LZTFL1: variants seen among roughly 807,000 people sequenced by gnomAD.
LZTFL1 encodes the protein leucine zipper transcription factor like 1.
Under a neutral mutation model 45.9 loss-of-function variants are expected in LZTFL1, and 25 were observed. The ratio of observed to expected loss-of-function variants is 0.54; its 90% confidence interval spans 0.40 to 0.76. The LOEUF is 0.76. LZTFL1 is among the 30% of genes least tolerant of loss of function. LZTFL1 has a pLI of 0.00. For missense variants in LZTFL1, 277 were observed against 331.1 expected (o/e 0.84, Z 1.27); for synonymous variants, 93 against 117.4 (o/e 0.79, Z 1.35).
chr3:45,907,627 G>A (rs1477688414), intron 2 of LZTFL1, among the ~76,000 whole-genome samples: 2 of 152,180 alleles, frequency 1.3e-5, no homozygotes, highest in African/African-American at 2.4e-5. Context: ...GATGTGGCTC[G>A]CTGCGTGGGC....
At chr3:45,834,460 G>A (rs1038313558) in intron 3 of LZTFL1, 162 bp from the exon 4 acceptor site, 2 of 514,424 alleles carry the variant, frequency 3.9e-6, no homozygotes, top group Non-Finnish European at 7.0e-6. Context: ...AAATGGTTGA[G>A]AACCTAAACC....
intron 1 of LZTFL1, among the ~76,000 whole-genome samples, chr3:45,840,807 TTAAGA>T (rs1701088546): frequency 6.6e-6 from 1 of 152,172 alleles, no homozygotes; most frequent in Non-Finnish European, 1.5e-5. Flanking sequence ...CATATACAAT[TTAAGA>T]TAAGTACAAG....
intron 2 of LZTFL1, among the ~76,000 whole-genome samples, chr3:45,837,497 T>G (rs1169995235): frequency 6.6e-6 from 1 of 152,244 alleles, no homozygotes; most frequent in Non-Finnish European, 1.5e-5. Flanking sequence ...CTAGTCAGCA[T>G]TATGATTTCC....
upstream of LZTFL1, among the ~76,000 whole-genome samples, chr3:45,844,483 G>A (rs558587443): frequency 6.0e-4 from 91 of 152,206 alleles, no homozygotes; most frequent in African/African-American, 2.2e-3. Context: ...CACAGAAAAT[G>A]TAAAAATCTG....
At chr3:45,879,928 T>C (rs1701821676) in intron 2 of LZTFL1, among the ~76,000 whole-genome samples, 1 of 152,178 alleles carries the variant, frequency 6.6e-6, no homozygotes, top group Non-Finnish European at 1.5e-5. Flanking sequence ...TGGTCATCAC[T>C]AGAAATGTTC....
chr3:45,882,679 G>A (rs188392363), intron 2 of LZTFL1, among the ~76,000 whole-genome samples: 1 of 152,202 alleles, frequency 6.6e-6, no homozygotes, highest in East Asian at 1.9e-4. Flanking sequence ...AAGTCAGCTT[G>A]GGTCTTTTCT....
chr3:45,840,059 C>A (rs1024708894), intron 1 of LZTFL1, among the ~76,000 whole-genome samples: 3 of 152,158 alleles, frequency 2.0e-5, no homozygotes, highest in African/African-American at 7.2e-5. Flanking sequence ...GGGCATGAAC[C>A]ATTTCTTATA....
intron 2 of LZTFL1, among the ~76,000 whole-genome samples, chr3:45,863,024 T>A (rs1701516151): frequency 6.6e-6 from 1 of 152,250 alleles, no homozygotes; most frequent in Non-Finnish European, 1.5e-5. Flanking sequence ...GTGAGAATAG[T>A]ATTATGAGAC....
upstream of LZTFL1, among the ~76,000 whole-genome samples, chr3:45,843,868 C>T (rs1488369): frequency 0.55 from 84,234 of 151,888 alleles, 23,670 homozygotes; most frequent in East Asian, 0.7. Context: ...GGGTTGGTCA[C>T]CAAAGCAAAC....
chr3:45,892,310 TA>T (rs1240075938), intron 2 of LZTFL1, among the ~76,000 whole-genome samples: 1 of 152,132 alleles, frequency 6.6e-6, no homozygotes, highest in East Asian at 1.9e-4. Context: ...GGAATCAACC[TA>T]AATGTTCATC....
rs370160130 is a variant in LZTFL1, at chr3:45,870,127, G to A, written c.-214-11111C>T. 2.8e-4 allele frequency among the ~76,000 whole-genome samples: 42 copies of A among 152,178 alleles called. 4 individuals are homozygous for A. Among genetic ancestry groups the A allele is most frequent in the Admixed American group, 2.1e-3 (32 of 15,276 alleles). On this transcript the variant is annotated intron_variant, in intron 2 of 4. Coordinates refer to the LZTFL1 transcript ENST00000472635. ...GCAACCCACTTTCTCTCCAGTGCCCGCTCTCAAGCTCAGCCTGGCAGGAGG... is the reference window on the plus strand; with the variant it reads ...GCAACCCACTTTCTCTCCAGTGCCCACTCTCAAGCTCAGCCTGGCAGGAGG...
At chr3:45,841,827 C>A in intron 1 of LZTFL1, 162 bp downstream of exon 1, 1 of 928,064 alleles carries the variant, frequency 1.1e-6, no homozygotes, top group Admixed American at 2.3e-5. Context: ...TGCGGTTAAC[C>A]GAATCTCTCG....
intron 4 of LZTFL1, among the ~76,000 whole-genome samples, chr3:45,847,621 T>A (rs138487902): frequency 6.6e-6 from 1 of 152,242 alleles, no homozygotes; most frequent in Admixed American, 6.5e-5. Context: ...GACAAAAGCA[T>A]TGATGGAACT....
intron 3 of LZTFL1, among the ~76,000 whole-genome samples, chr3:45,858,526 A>G (rs1701430210): frequency 6.6e-6 from 1 of 152,204 alleles, no homozygotes; most frequent in Non-Finnish European, 1.5e-5. Flanking sequence ...ATTTTTTATC[A>G]TTTGTTAAAG....
At position 45,826,910 on chromosome 3, in the gene LZTFL1, A is replaced by G. The variant is rs532462066; in HGVS notation, c.881+446T>C. On this transcript the variant is annotated intron_variant, in intron 9 of 9. Coordinates refer to ENST00000296135, the MANE Select transcript of LZTFL1 (RefSeq NM_020347.4). ...TAAGAGAGATACTAATCCTATGTAG[A>G]ACACGGACTTCTAAGCCAAGCTGGC... is the stretch of plus-strand genomic sequence containing the variant. 3.3e-4 allele frequency among the ~76,000 whole-genome samples: 51 copies of G among 152,362 alleles called. 1 individual carries two copies. The highest frequency in any genetic ancestry group is 2.9e-4 in the Non-Finnish European group (20 of 68,038).
At chr3:45,841,792 A>G (rs1701123772) in intron 1 of LZTFL1, 197 bp downstream of exon 1, 1 of 658,294 alleles carries the variant, frequency 1.5e-6, no homozygotes, top group East Asian at 2.7e-5. Context: ...GGCTTCACCC[A>G]GGATTACCCC....
intron 1 of LZTFL1, among the ~76,000 whole-genome samples, chr3:45,914,061 T>C (rs777216767): frequency 2.0e-5 from 3 of 152,220 alleles, no homozygotes; most frequent in Non-Finnish European, 4.4e-5. Flanking sequence ...CTTGGGCTAA[T>C]GGATTTGAGG....
At chr3:45,876,541 T>C (rs1275477916) in intron 2 of LZTFL1, among the ~76,000 whole-genome samples, 1 of 150,942 alleles carries the variant, frequency 6.6e-6, no homozygotes, top group Non-Finnish European at 1.5e-5. Context: ...GAGGTAATCA[T>C]GATACCCTGA....
intron 7 of LZTFL1, 61 bp from the exon 8 acceptor site, chr3:45,828,676 G>C (rs969045169): frequency 7.3e-7 from 1 of 1,371,812 alleles, no homozygotes; most frequent in Non-Finnish European, 1.0e-6. Flanking sequence ...AACTGTTTTA[G>C]AATGGTGATT....
Sources: allele counts gnomAD v4.1 joint callset (sites outside exome capture counted in the v4.1 genomes callset), GRCh38; gene constraint gnomAD v4.1.1; transcripts MANE v1.5; gene names NCBI Gene and HGNC (gene_info 2026-07-23, HGNC 2026-07-21).